The following TUSC3 variants were observed in gnomAD, a reference collection of about 807,000 sequenced individuals.
TUSC3 encodes the protein tumor suppressor candidate 3.
In TUSC3, 45 loss-of-function variants were observed where a neutral mutation model predicts 44.8. That is an observed-to-expected ratio of 1.00 (90% CI 0.79 to 1.29). The LOEUF is 1.29. Ranked by LOEUF, TUSC3 falls within the 50% of genes most tolerant of loss-of-function variation. The pLI is 0.00. For missense variants in TUSC3, 519 were observed against 437.9 expected (o/e 1.19, Z -1.65); for synonymous variants, 212 against 152.9 (o/e 1.39, Z -2.85).
chr8:15,670,490 C>A (rs1807899721), intron 5 of TUSC3, among the ~76,000 whole-genome samples: 1 of 151,700 alleles, frequency 6.6e-6, no homozygotes, highest in Non-Finnish European at 1.5e-5. Flanking sequence ...ACTGGATATC[C>A]ATATGGGAAA....
intron 1 of TUSC3, among the ~76,000 whole-genome samples, chr8:15,452,875 C>G (rs764282315): frequency 7.2e-5 from 11 of 152,214 alleles, no homozygotes; most frequent in Non-Finnish European, 1.2e-4. Context: ...TGCCTTCTTG[C>G]AATATAATTT....
intron 6 of TUSC3, among the ~76,000 whole-genome samples, chr8:15,702,832 A>G (rs1161443725): frequency 6.6e-6 from 1 of 152,182 alleles, no homozygotes; most frequent in African/African-American, 2.4e-5. Flanking sequence ...AGCTTTTCTA[A>G]TAGCTTCATC....
intron 2 of TUSC3, among the ~76,000 whole-genome samples, chr8:15,524,915 A>G (rs1301434262): frequency 6.6e-6 from 1 of 152,216 alleles, no homozygotes; most frequent in Non-Finnish European, 1.5e-5. Flanking sequence ...ATGGTAAAAG[A>G]CTAACACAGT....
intron 6 of TUSC3, among the ~76,000 whole-genome samples, chr8:15,690,447 G>C (rs895589977): frequency 6.6e-6 from 1 of 151,918 alleles, no homozygotes; most frequent in Admixed American, 6.6e-5. Context: ...CTGTTCTGTA[G>C]GTTGTCTGTT....
At chr8:15,758,723 C>G (rs1033227867) in intron 10 of TUSC3, among the ~76,000 whole-genome samples, 1 of 152,026 alleles carries the variant, frequency 6.6e-6, no homozygotes, top group Non-Finnish European at 1.5e-5. Flanking sequence ...CTTCTCCCCC[C>G]AGATTGACTA....
At chr8:15,638,964 T>A (rs1162765741) in intron 2 of TUSC3, among the ~76,000 whole-genome samples, 1 of 146,948 alleles carries the variant, frequency 6.8e-6, no homozygotes, top group Non-Finnish European at 1.5e-5. Flanking sequence ...ATGATGATCA[T>A]GTGTCGATGC....
At chr8:15,493,012 A>G (rs1315163549) in intron 2 of TUSC3, among the ~76,000 whole-genome samples, 2 of 152,082 alleles carry the variant, frequency 1.3e-5, no homozygotes, top group African/African-American at 2.4e-5. Flanking sequence ...CATAGACAAA[A>G]CTGATAATAG....
chr8:15,812,757 G>C, the TUSC3 span, among the ~76,000 whole-genome samples: 2 of 152,070 alleles, frequency 1.3e-5, no homozygotes, highest in South Asian at 2.1e-4. Context: ...GATTCCAATA[G>C]CTCACGGAAT....
intron 1 of TUSC3, among the ~76,000 whole-genome samples, chr8:15,589,335 C>G (rs1052956139): frequency 6.6e-6 from 1 of 152,088 alleles, no homozygotes; most frequent in Non-Finnish European, 1.5e-5. Flanking sequence ...TGCATCTTAA[C>G]AAGATCCTGA....
At chr8:15,685,227 G>C (rs1399666696) in intron 6 of TUSC3, among the ~76,000 whole-genome samples, 1 of 152,114 alleles carries the variant, frequency 6.6e-6, no homozygotes, top group African/African-American at 2.4e-5. Context: ...TGGGATCCCA[G>C]AGGTATGTGG....
At chr8:15,768,453 A>C (rs1202356611), downstream of TUSC3, among the ~76,000 whole-genome samples, 1 of 152,156 alleles carries the variant, frequency 6.6e-6, no homozygotes, top group Non-Finnish European at 1.5e-5. Flanking sequence ...ACAAGAAAGA[A>C]ATTAACAGAA....
the TUSC3 span, among the ~76,000 whole-genome samples, chr8:15,772,216 A>C: frequency 7.9e-5 from 12 of 152,142 alleles, no homozygotes; most frequent in Non-Finnish European, 1.5e-4. Context: ...AGAGCTAAAC[A>C]AAATAGAGAA....
At chr8:15,537,953 T>C (rs372750935), upstream of TUSC3, among the ~76,000 whole-genome samples, 84 of 152,190 alleles carry the variant, frequency 5.5e-4, 1 homozygote, top group African/African-American at 2.0e-3. Flanking sequence ...TGTTTAGGAG[T>C]GTTAAAGCAA....
intron 1 of TUSC3, among the ~76,000 whole-genome samples, chr8:15,605,624 A>C (rs183706042): frequency 2.0e-5 from 3 of 151,928 alleles, no homozygotes; most frequent in Admixed American, 6.6e-5. Flanking sequence ...AAAATGGAGA[A>C]AAAAGTCTGT....
intron 1 of TUSC3, among the ~76,000 whole-genome samples, chr8:15,449,317 C>T (rs1292091095): frequency 6.6e-6 from 1 of 152,106 alleles, no homozygotes; most frequent in African/African-American, 2.4e-5. Context: ...GTCTCATGTT[C>T]AAAAAATGGC....
chr8:15,813,075 C>G, the TUSC3 span, among the ~76,000 whole-genome samples: 1 of 152,006 alleles, frequency 6.6e-6, no homozygotes, highest in East Asian at 1.9e-4. Flanking sequence ...GCCTGGACAA[C>G]AGAGTAAGAC....
At chr8:15,844,583 G>C in the TUSC3 span, among the ~76,000 whole-genome samples, 4 of 152,180 alleles carry the variant, frequency 2.6e-5, no homozygotes, top group South Asian at 8.3e-4. Flanking sequence ...CCTGCCATTG[G>C]TGTTGCTAAA....
At chr8:15,633,937 C>T (rs567927695) in intron 2 of TUSC3, among the ~76,000 whole-genome samples, 3 of 152,274 alleles carry the variant, frequency 2.0e-5, no homozygotes, top group African/African-American at 4.8e-5. Context: ...CAAAACATCC[C>T]ACAAGGGATG....
intron 1 of TUSC3, among the ~76,000 whole-genome samples, chr8:15,610,327 AT>A (rs1464346933): frequency 6.6e-6 from 1 of 152,180 alleles, no homozygotes; most frequent in Non-Finnish European, 1.5e-5. Context: ...GTATAGCAAC[AT>A]CTAACATTAG....
Sources: gnomAD v4.1 joint callset for allele counts (sites outside exome capture counted in the v4.1 genomes callset) on GRCh38, gnomAD v4.1.1 for gene constraint, MANE v1.5 for transcripts, NCBI Gene and HGNC (gene_info 2026-07-23, HGNC 2026-07-21) for gene names.